The following ZFP64 variants were observed in gnomAD, a reference collection of about 807,000 sequenced individuals.
ZFP64 encodes the protein zinc finger protein 64.
Under a neutral mutation model 51.6 loss-of-function variants are expected in ZFP64, and 14 were observed. The ratio of observed to expected loss-of-function variants is 0.27; its 90% CI spans 0.18 to 0.42. ZFP64 has a LOEUF of 0.42. Among genes scored for constraint, ZFP64 ranks in the 10% least tolerant of loss-of-function variants. The probability of loss-of-function intolerance (pLI) is 1.00; values close to 1 mark genes in which losing one functional copy is unlikely to be tolerated. For missense variants in ZFP64, 754 were observed against 906.8 expected, an observed-to-expected ratio of 0.83 and a Z score of 2.16; for synonymous variants, 375 against 361.4, an observed-to-expected ratio of 1.04 and a Z score of -0.43.
chr20:52,182,655 G>A (rs188655383), intron 2 of ZFP64, among the ~76,000 whole-genome samples: 1 of 152,278 alleles, frequency 6.6e-6, no homozygotes, highest in African/African-American at 2.4e-5. Flanking sequence ...GAAGATCAAG[G>A]CTGCAGTGAG....
rs201261996 is a variant in ZFP64, at chr20:52,152,293, A to G, written c.1899T>C (p.Asp633=). 3.7e-6 allele frequency: 6 copies of G among 1,614,108 alleles called. No homozygotes were observed. The Admixed American group carries it at 8.3e-5, about 22-fold the overall frequency. The stretch of plus-strand genomic sequence containing the variant: ...TGGCCACTGCGATGTTCTGGCCTCC[A>G]TCGCTCACCACTGTCACTTCTGCTG... The part of the protein sequence containing the change: ...EGTAEVTVVS[D]GGQNIAVATT... Residue 633 remains aspartate (D), a synonymous_variant, in exon 6 of 6, where the codon GAT becomes GAC. Coordinates refer to ENST00000216923, the MANE Select transcript of ZFP64 (RefSeq NM_018197.3).
At chr20:52,159,071 C>G (rs913783912) in intron 5 of ZFP64, among the ~76,000 whole-genome samples, 19 of 152,182 alleles carry the variant, frequency 1.2e-4, no homozygotes, top group African/African-American at 4.6e-4. Flanking sequence ...CCAGGGAAAT[C>G]TGAAAGGCAC....
In ZFP64 at chr20:52,085,015, G is replaced by C; in HGVS notation, c.1480C>G (p.Pro494Ala). 1 of 1,614,134 alleles carries C rather than the reference G, an allele frequency of 6.2e-7. No homozygotes were observed. The highest frequency in any genetic ancestry group is 8.5e-7 in the Non-Finnish European group (1 of 1,180,040). ...TAGCTGCACTCTGGACACTTCTCCG[G>C]GTGGTCGGCCTGGTGCAGCCGGCTG... The change falls in exon 9 of 9, where the codon CCG (proline) becomes GCG (alanine). Residue 494 changes from proline to alanine, a missense_variant. Physicochemically the swap from Pro to Ala is conservative, Grantham distance 27 (BLOSUM62 -1). Transcript: ENST00000361387. This position sits in a 1 kb window ranked among gnomAD's most constrained non-coding sequence, Gnocchi z 4.3.
intron 5 of ZFP64, among the ~76,000 whole-genome samples, chr20:52,140,140 G>A (rs765801628): frequency 2.6e-5 from 4 of 152,066 alleles, no homozygotes; most frequent in East Asian, 1.9e-4. Context: ...CAGAACAGCC[G>A]TTCCCCATCT....
At chr20:52,095,017 G>A (rs1028625072) in intron 7 of ZFP64, among the ~76,000 whole-genome samples, 2 of 152,168 alleles carry the variant, frequency 1.3e-5, no homozygotes, top group Non-Finnish European at 2.9e-5. Context: ...CAAAGCCAAG[G>A]CACACAAGGT....
At chr20:52,092,036 G>C (rs539909568) in intron 7 of ZFP64, among the ~76,000 whole-genome samples, 1 of 152,170 alleles carries the variant, frequency 6.6e-6, no homozygotes, top group South Asian at 2.1e-4. Flanking sequence ...TGGCTTTAAA[G>C]TAGTTTGTAG....
At chr20:52,118,207 C>T (rs942640101) in intron 5 of ZFP64, among the ~76,000 whole-genome samples, 4 of 152,126 alleles carry the variant, frequency 2.6e-5, no homozygotes, top group Admixed American at 6.6e-5. Context: ...CCTCTTTCCC[C>T]TCTGCTCCCA....
At chr20:52,103,479 T>A (rs983003542) in intron 5 of ZFP64, among the ~76,000 whole-genome samples, 8 of 152,092 alleles carry the variant, frequency 5.3e-5, no homozygotes, top group South Asian at 4.2e-4. Flanking sequence ...AGAGTTTGCG[T>A]CCTGCTCCCA....
At chr20:52,102,287 T>C (rs1271280709) in intron 5 of ZFP64, among the ~76,000 whole-genome samples, 1 of 152,088 alleles carries the variant, frequency 6.6e-6, no homozygotes, top group Non-Finnish European at 1.5e-5. Flanking sequence ...AGAAGGCTAC[T>C]TAAAACACAG....
In ZFP64 at chr20:52,136,208, C is replaced by A. The variant is rs1406698164; in HGVS notation, c.763+23915G>T. ...AATTCTCAGATCCTTAACTTCTAGG[C>A]ATACCTTTTCCTAAAACTGATCACC... On this transcript the variant is annotated intron_variant, in intron 5 of 8. Coordinates refer to the ZFP64 transcript ENST00000361387. Among the ~76,000 whole-genome samples the A allele has an allele frequency of 4.6e-5, 7 of 151,562 alleles. 1 individual carries two copies. The highest frequency in any genetic ancestry group is 1.7e-4 in the African/African-American group (7 of 41,226).
chr20:52,175,864 G>GGGGGCC, intron 2 of ZFP64: 3 of 256,928 alleles, frequency 1.2e-5, no homozygotes, highest in Non-Finnish European at 1.6e-5. Context: ...CCCCGCTGCC[G>GGGGGCC]CCCCCGCCCC....
chr20:52,168,509 C>T (rs1982465546), intron 2 of ZFP64, among the ~76,000 whole-genome samples: 1 of 152,220 alleles, frequency 6.6e-6, no homozygotes, highest in Non-Finnish European at 1.5e-5. Flanking sequence ...ATCAGACACT[C>T]TGGGGGTGCA....
intron 2 of ZFP64, among the ~76,000 whole-genome samples, chr20:52,178,221 C>G (rs1315745571): frequency 6.6e-6 from 1 of 152,012 alleles, no homozygotes; most frequent in Non-Finnish European, 1.5e-5. Flanking sequence ...TATGCACAAG[C>G]AAGTTTGAGA....
In ZFP64 at chr20:52,191,649, G is replaced by T; in HGVS notation, c.-13C>A. ...TGCTCGCGTTCATGGCCGCAGACTG[G>T]GAGGTCCCCGGCCGGCCGGGATGCC... On this transcript the variant is annotated 5_prime_UTR_variant, in exon 1 of 6. Coordinates refer to ENST00000216923, the MANE Select transcript of ZFP64 (RefSeq NM_018197.3). This position sits in a 1 kb window ranked among gnomAD's most constrained non-coding sequence, Gnocchi z 4.3. 1 of 1,582,154 alleles carries T rather than the reference G, an allele frequency of 6.3e-7. No homozygotes were observed. Among genetic ancestry groups the T allele is most frequent in the Non-Finnish European group, 8.6e-7 (1 of 1,167,602 alleles).
intron 2 of ZFP64, among the ~76,000 whole-genome samples, chr20:52,173,534 G>C (rs1220800057): frequency 6.6e-6 from 1 of 152,170 alleles, no homozygotes; most frequent in African/African-American, 2.4e-5. Flanking sequence ...GCTGCAGTGA[G>C]CTATGATTGC....
chr20:52,098,354 A>G (rs530492151), intron 6 of ZFP64: 3 of 1,557,312 alleles, frequency 1.9e-6, no homozygotes, highest in Non-Finnish European at 2.6e-6. Flanking sequence ...GAGTAACATG[A>G]GCAGGCAGCT....
chr20:52,113,412 G>A (rs1978699285), intron 5 of ZFP64, among the ~76,000 whole-genome samples: 1 of 147,954 alleles, frequency 6.8e-6, no homozygotes, highest in South Asian at 2.1e-4. Context: ...TTGTACCCTT[G>A]CCAGGAATTC....
chr20:52,105,563 C>T (rs943394995), intron 5 of ZFP64: 11 of 249,586 alleles, frequency 4.4e-5, no homozygotes, highest in African/African-American at 1.6e-4. Flanking sequence ...TTCGCATGCA[C>T]ATTAAAGTTT....
downstream of ZFP64, among the ~76,000 whole-genome samples, chr20:52,148,663 G>T (rs6021748): frequency 0.36 from 54,513 of 150,882 alleles, 10,510 homozygotes; most frequent in Non-Finnish European, 0.42. Flanking sequence ...ATCGCGCCAC[G>T]GCACTCCAGG....
Sources: gnomAD v4.1 joint callset for allele counts (sites outside exome capture counted in the v4.1 genomes callset) on GRCh38, gnomAD v4.1.1 for gene constraint, Gnocchi (gnomAD v3.1) non-coding constraint, MANE v1.5 for transcripts, NCBI Gene and HGNC (gene_info 2026-07-23, HGNC 2026-07-21) for gene names.